FAM193A: variants seen among roughly 807,000 people sequenced by gnomAD.
FAM193A encodes family with sequence similarity 193 member A.
In FAM193A, 22 loss-of-function variants were observed where a neutral mutation model predicts 126.5. That is an observed-to-expected ratio of 0.17 (90% CI 0.12 to 0.25). FAM193A has a LOEUF of 0.25. Ranked by LOEUF, FAM193A falls within the 10% of genes least tolerant of loss-of-function variation. The probability of loss-of-function intolerance (pLI) is 1.00; values close to 1 mark genes in which losing one functional copy is unlikely to be tolerated. For missense variants in FAM193A, 1,675 were observed against 1,672.8 expected (o/e 1.00, Z -0.02); for synonymous variants, 761 against 646.8 (o/e 1.18, Z -2.68).
chr4:2,630,601 A>G (rs1040142077), intron 4 of FAM193A, among the ~76,000 whole-genome samples: 4 of 152,194 alleles, frequency 2.6e-5, no homozygotes, highest in African/African-American at 9.6e-5. Flanking sequence ...GAGTTTACGC[A>G]AGTCACCCAA....
intron 1 of FAM193A, among the ~76,000 whole-genome samples, chr4:2,570,743 T>A (rs1172230775): frequency 6.6e-6 from 1 of 152,018 alleles, no homozygotes; most frequent in East Asian, 1.9e-4. Flanking sequence ...CTTGGTGAGC[T>A]CCTCCTCAGA....
At chr4:2,642,584 T>C (rs2298959) in intron 6 of FAM193A, among the ~76,000 whole-genome samples, 79,538 of 151,814 alleles carry the variant, frequency 0.52, 21,489 homozygotes, top group Admixed American at 0.64. Context: ...CATGAGAAGA[T>C]ATGCATCTTG....
At position 2,700,423 on chromosome 4, in the gene FAM193A, G is replaced by T; in HGVS notation, c.4251G>T (p.Glu1417Asp). ...KDEKSNPTPM[E>D]PTSPGEHQQN... ...AAAAGTCAAACCCAACCCCTATGGA[G>T]CCCACCTCTCCCGGTGAGCATCAGC... The change falls in exon 19 of 21, where the codon GAG (glutamate) becomes GAT (aspartate). Residue 1417 changes from glutamate (E) to aspartate (D), a missense_variant. Coordinates refer to ENST00000637812, the MANE Select transcript of FAM193A (RefSeq NM_001366318.2). The T allele has an allele frequency of 1.2e-6, 2 of 1,614,184 alleles. No individual in the cohort carries two copies. Among genetic ancestry groups the T allele is most frequent in the South Asian group, 1.1e-5 (1 of 91,088 alleles).
intron 1 of FAM193A, among the ~76,000 whole-genome samples, chr4:2,556,106 G>C (rs1738242883): frequency 6.6e-6 from 1 of 151,454 alleles, no homozygotes. Context: ...ATGTTGGTCG[G>C]GCTGGTCTTG....
At chr4:2,557,951 CAA>C (rs879565604) in intron 1 of FAM193A, among the ~76,000 whole-genome samples, 2 of 135,932 alleles carry the variant, frequency 1.5e-5, no homozygotes, top group African/African-American at 5.4e-5. Context: ...GACTCCGTCT[CAA>C]AAAAAAAAAA....
chr4:2,666,467 G>A (rs1161892024), intron 12 of FAM193A, among the ~76,000 whole-genome samples: 2 of 152,142 alleles, frequency 1.3e-5, no homozygotes, highest in Non-Finnish European at 2.9e-5. Flanking sequence ...ATATTGGTCT[G>A]TAGTTTCCTA....
rs1717036004 is a variant in FAM193A, at chr4:2,696,348, T to C, written c.3277-15T>C. ...AATTTTTAAAACTTAAGCATAACTT[T>C]GTTGTTTTTCTCAGCCTCCAGCTGC... is the stretch of plus-strand genomic sequence containing the variant. On this transcript the variant is annotated splice_polypyrimidine_tract_variant and intron_variant, in intron 17 of 20. Coordinates refer to ENST00000637812, the MANE Select transcript of FAM193A (RefSeq NM_001366318.2). 1.8e-5 allele frequency: 29 copies of C among 1,574,190 alleles called. No homozygotes were observed. The highest frequency in any genetic ancestry group is 2.4e-5 in the Non-Finnish European group (28 of 1,153,034).
intron 19 of FAM193A, among the ~76,000 whole-genome samples, chr4:2,702,382 G>C (rs570845667): frequency 1.2e-4 from 19 of 152,028 alleles, no homozygotes; most frequent in Non-Finnish European, 2.2e-4. Context: ...GGCTCATCTC[G>C]TGTCTTCTCT....
At chr4:2,715,154 T>G (rs1357425501) in intron 19 of FAM193A, among the ~76,000 whole-genome samples, 8 of 152,188 alleles carry the variant, frequency 5.3e-5, no homozygotes, top group Admixed American at 5.2e-4. Flanking sequence ...AGCCTTGGTT[T>G]TTGTTTGGAA....
chr4:2,723,435 TGTG>T (rs374496433), intron 20 of FAM193A, among the ~76,000 whole-genome samples: 35 of 150,980 alleles, frequency 2.3e-4, no homozygotes, highest in African/African-American at 8.3e-4. Context: ...ATTAGCAAGA[TGTG>T]GTGGTGGGTG....
At chr4:2,696,757 C>G (rs139146745) in intron 18 of FAM193A, among the ~76,000 whole-genome samples, 164 bp downstream of exon 18, 2 of 152,296 alleles carry the variant, frequency 1.3e-5, no homozygotes, top group East Asian at 3.9e-4. Flanking sequence ...CTCTGGTGGC[C>G]TGAACTGGAG....
intron 12 of FAM193A, among the ~76,000 whole-genome samples, chr4:2,668,231 T>C (rs1484781900): frequency 6.8e-6 from 1 of 147,086 alleles, no homozygotes; most frequent in Non-Finnish European, 1.5e-5. Context: ...TTTTTTTTTT[T>C]GATACAGAGT....
At chr4:2,646,941 A>G in intron 7 of FAM193A, 109 bp downstream of exon 7, 1 of 1,234,008 alleles carries the variant, frequency 8.1e-7, no homozygotes, top group Admixed American at 3.0e-5. Flanking sequence ...GGAATTCCCG[A>G]CTGAGGCCCA....
At chr4:2,602,259 A>G (rs979022174) in intron 2 of FAM193A, among the ~76,000 whole-genome samples, 30 of 151,730 alleles carry the variant, frequency 2.0e-4, no homozygotes, top group African/African-American at 6.0e-4. Flanking sequence ...GTGCAAAGTT[A>G]GTTTCCTCTG....
Position 2,696,535 on chromosome 4 carries a change from A to T in FAM193A, c.3449A>T (p.Glu1150Val). 6.2e-7 allele frequency: 1 copy of T among 1,614,262 alleles called. No homozygotes were observed. Among genetic ancestry groups the T allele is most frequent in the East Asian group, 2.2e-5 (1 of 44,890 alleles). ...TTGTTGCAGTTTATAAATAGCTCCG[A>T]AACCAAACCAGTGAGCAGCACGCGT... Reference protein sequence around the residue: ...EDLLQFINSSETKPVSSTRAA... With the variant: ...EDLLQFINSSVTKPVSSTRAA... Residue 1150 changes from glutamate (E) to valine (V), a missense_variant, in exon 18 of 21, where the codon GAA becomes GTA. Physicochemically the swap from Glu to Val is moderately radical, Grantham distance 121 (BLOSUM62 -2). Transcript: ENST00000637812.
At chr4:2,544,496 T>A (rs1737429777) in intron 1 of FAM193A, among the ~76,000 whole-genome samples, 2 of 151,910 alleles carry the variant, frequency 1.3e-5, no homozygotes, top group African/African-American at 4.8e-5. Flanking sequence ...AGGTCAGGAG[T>A]TTGAGCCCAG....
chr4:2,640,970 A>G (rs1170423367), intron 6 of FAM193A, among the ~76,000 whole-genome samples: 4 of 151,574 alleles, frequency 2.6e-5, no homozygotes, highest in South Asian at 2.1e-4. Context: ...GTCTCGGGGG[A>G]AAAAAAGTCG....
chr4:2,559,129 A>G (rs1292599676), intron 1 of FAM193A, among the ~76,000 whole-genome samples: 5 of 152,236 alleles, frequency 3.3e-5, no homozygotes, highest in African/African-American at 1.2e-4. Context: ...CACAAACTGA[A>G]TTGAACTGTT....
intron 2 of FAM193A, among the ~76,000 whole-genome samples, chr4:2,621,265 G>T (rs1023457069): frequency 3.3e-5 from 5 of 152,146 alleles, no homozygotes; most frequent in Non-Finnish European, 5.9e-5. Context: ...TGTTTACAGG[G>T]TGCAGCTCCT....
Sources: allele counts gnomAD v4.1 joint callset (sites outside exome capture counted in the v4.1 genomes callset), GRCh38; gene constraint gnomAD v4.1.1; transcripts MANE v1.5; gene names NCBI Gene and HGNC (gene_info 2026-07-23, HGNC 2026-07-21).